The following ATP6V1H variants were observed in gnomAD, a reference collection of about 807,000 sequenced individuals.
ATP6V1H encodes V-type proton ATPase subunit H.
ATP6V1H carries 39 observed loss-of-function variants against 71.7 expected under a neutral mutation model. The observed-to-expected ratio is 0.54, with a 90% CI of 0.42 to 0.71. The LOEUF is 0.71. ATP6V1H is among the 30% of genes least tolerant of loss of function. ATP6V1H has a pLI of 0.00. For missense variants in ATP6V1H, 509 were observed against 594.9 expected (o/e 0.86, Z 1.50); for synonymous variants, 192 against 199.3 (o/e 0.96, Z 0.31).
intron 12 of ATP6V1H, among the ~76,000 whole-genome samples, chr8:53,754,781 G>C (rs1320768966): frequency 6.6e-6 from 1 of 152,226 alleles, no homozygotes; most frequent in Non-Finnish European, 1.5e-5. Context: ...TCATGAGTTA[G>C]TGAAACAGGC....
rs1445881279 is a variant in ATP6V1H at position 53,715,924 on chromosome 8, T to C, written c.*40A>G. The C allele has an allele frequency of 6.3e-7, 1 of 1,585,160 alleles. No homozygotes were observed. The highest frequency in any genetic ancestry group is 8.6e-7 in the Non-Finnish European group (1 of 1,160,758). The stretch of plus-strand genomic sequence containing the variant: ...ACTCTAAACACAGTGCTCCCACTAC[T>C]GGTTCTGCATTGAGGCGGAGGGGAA... On this transcript the variant is annotated 3_prime_UTR_variant, in exon 14 of 14. Transcript: ENST00000359530.
At chr8:53,724,868 A>T (rs1317808483) in intron 13 of ATP6V1H, among the ~76,000 whole-genome samples, 1 of 151,936 alleles carries the variant, frequency 6.6e-6, no homozygotes, top group Non-Finnish European at 1.5e-5. Context: ...AAAAAAAAAA[A>T]AATAACAGCA....
chr8:53,753,961 CA>C (rs888338314), intron 12 of ATP6V1H, among the ~76,000 whole-genome samples: 1 of 152,102 alleles, frequency 6.6e-6, no homozygotes, highest in African/African-American at 2.4e-5. Context: ...TTGCTCACAG[CA>C]ACAGAAATAG....
At chr8:53,733,016 G>T (rs748968512) in intron 13 of ATP6V1H, among the ~76,000 whole-genome samples, 3 of 152,158 alleles carry the variant, frequency 2.0e-5, no homozygotes, top group Non-Finnish European at 4.4e-5. Flanking sequence ...AGACAAGGAC[G>T]GGCATATGGT....
At chr8:53,748,423 T>A (rs564004084) in intron 12 of ATP6V1H, among the ~76,000 whole-genome samples, 1 of 152,326 alleles carries the variant, frequency 6.6e-6, no homozygotes, top group Non-Finnish European at 1.5e-5. Context: ...ACTCATATCA[T>A]CTCATTAAAT....
chr8:53,753,362 G>A (rs1441990550), intron 12 of ATP6V1H, among the ~76,000 whole-genome samples: 4 of 152,214 alleles, frequency 2.6e-5, no homozygotes, highest in Non-Finnish European at 5.9e-5. Context: ...GTGATAGGAA[G>A]TCAAATGAAG....
At chr8:53,716,173 T>C in intron 13 of ATP6V1H, 149 bp from the exon 14 acceptor site, 1 of 609,474 alleles carries the variant, frequency 1.6e-6, no homozygotes, top group Non-Finnish European at 2.8e-6. Context: ...TTTTCCAAAT[T>C]TCCAAAGTAC....
At chr8:53,786,073 A>G (rs1031661124) in intron 9 of ATP6V1H, among the ~76,000 whole-genome samples, 1 of 152,230 alleles carries the variant, frequency 6.6e-6, no homozygotes, top group Non-Finnish European at 1.5e-5. Context: ...GCTGTCAGAC[A>G]GGGACATTTA....
chr8:53,797,507 A>G (rs1034178243), intron 8 of ATP6V1H, among the ~76,000 whole-genome samples: 3 of 152,186 alleles, frequency 2.0e-5, no homozygotes, highest in African/African-American at 7.2e-5. Flanking sequence ...CAGAGACACC[A>G]ATATCAGCTG....
intron 12 of ATP6V1H, among the ~76,000 whole-genome samples, chr8:53,751,687 CGA>C: frequency 8.2e-6 from 1 of 122,436 alleles, no homozygotes; most frequent in South Asian, 2.5e-4. Flanking sequence ...TTTTTTTTTT[CGA>C]GACAGAGTCT....
intron 13 of ATP6V1H, among the ~76,000 whole-genome samples, chr8:53,719,806 G>T (rs1296703391): frequency 6.6e-6 from 1 of 152,208 alleles, no homozygotes; most frequent in Non-Finnish European, 1.5e-5. Flanking sequence ...TGAGCAAAGC[G>T]CCTACTCAGG....
chr8:53,807,194 AAGTATT>A lies in ATP6V1H; in HGVS notation c.579+3964_579+3969del, dbSNP rs550206609. ...CTTCCACCTCTTCTGAAGGGGTGAC[AAGTATT>A]ACATCAGCACAGCATTAAATTAAAA... On this transcript the variant is annotated intron_variant, in intron 7 of 13. Coordinates refer to ENST00000359530, the MANE Select transcript of ATP6V1H (RefSeq NM_015941.4). Among the ~76,000 whole-genome samples the A allele has an allele frequency of 2.5e-3, 388 of 152,344 alleles. 5 individuals are homozygous for A. The highest frequency in any genetic ancestry group is 9.0e-3 in the African/African-American group (373 of 41,572).
rs555033486 is a variant in ATP6V1H, at chr8:53,765,185, C to T, written c.1175+4433G>A. Among the ~76,000 whole-genome samples the T allele has an allele frequency of 5.9e-5, 9 of 151,906 alleles. No homozygotes were observed. The South Asian group carries it at 1.9e-3, about 32-fold the overall frequency. ...TTGGGAGGCTGAGGTGGGCAGATCACGAGGTCAGGAGTTAGAGACTGGCCT... is the reference window on the plus strand; with the variant it reads ...TTGGGAGGCTGAGGTGGGCAGATCATGAGGTCAGGAGTTAGAGACTGGCCT... On this transcript the variant is annotated intron_variant, in intron 11 of 13. Coordinates refer to ENST00000359530, the MANE Select transcript of ATP6V1H (RefSeq NM_015941.4).
intron 4 of ATP6V1H, among the ~76,000 whole-genome samples, chr8:53,824,640 T>C (rs1258694000): frequency 6.6e-6 from 1 of 152,088 alleles, no homozygotes; most frequent in Non-Finnish European, 1.5e-5. Flanking sequence ...CAATTATCTA[T>C]GTAGATGCCC....
At chr8:53,723,948 C>T (rs950396297) in intron 13 of ATP6V1H, among the ~76,000 whole-genome samples, 1 of 152,190 alleles carries the variant, frequency 6.6e-6, no homozygotes, top group South Asian at 2.1e-4. Flanking sequence ...CTATCACCAA[C>T]CCCCTCTGTC....
At chr8:53,786,998 G>T (rs1028200198) in intron 9 of ATP6V1H, among the ~76,000 whole-genome samples, 1 of 152,180 alleles carries the variant, frequency 6.6e-6, no homozygotes, top group Non-Finnish European at 1.5e-5. Context: ...TTCAAGACAT[G>T]TAAAATACAA....
chr8:53,759,333 G>A (rs1287933972), intron 11 of ATP6V1H, among the ~76,000 whole-genome samples: 7 of 152,114 alleles, frequency 4.6e-5, no homozygotes, highest in Non-Finnish European at 1.0e-4. Context: ...GTGTCAAATC[G>A]TCAATTAAAA....
At chr8:53,830,729 TA>T (rs910252291) in intron 3 of ATP6V1H, among the ~76,000 whole-genome samples, 7 of 150,914 alleles carry the variant, frequency 4.6e-5, no homozygotes, top group African/African-American at 1.5e-4. Flanking sequence ...GAAACAGGTT[TA>T]AAAAAAAATG....
chr8:53,724,169 G>A (rs1806723737), intron 13 of ATP6V1H, among the ~76,000 whole-genome samples: 1 of 152,088 alleles, frequency 6.6e-6, no homozygotes, highest in Non-Finnish European at 1.5e-5. Flanking sequence ...GGGATTACAA[G>A]ACTTTTCTCA....
Sources: gnomAD v4.1 joint callset for allele counts (sites outside exome capture counted in the v4.1 genomes callset) on GRCh38, gnomAD v4.1.1 for gene constraint, MANE v1.5 for transcripts, NCBI Gene and HGNC (gene_info 2026-07-23, HGNC 2026-07-21) for gene names.